NCEH1: variants seen among roughly 807,000 people sequenced by gnomAD.
The protein encoded by NCEH1 is neutral cholesterol ester hydrolase 1, also known as 2-acetyl MAGE hydrolase.
A neutral mutation model predicts 25.4 loss-of-function variants in NCEH1; 9 were observed. The ratio of observed to expected loss-of-function variants is 0.35; its 90% CI spans 0.21 to 0.62. NCEH1 has a LOEUF of 0.62. Ranked by LOEUF, NCEH1 falls within the 20% of genes least tolerant of loss-of-function variation. NCEH1 has a pLI of 0.72. For synonymous variants in NCEH1, 200 were observed against 199.8 expected, an observed-to-expected ratio of 1.00 and a Z score of -0.01; for missense variants, 412 against 501.1, an observed-to-expected ratio of 0.82 and a Z score of 1.70.
intron 2 of NCEH1, 111 bp downstream of exon 2, chr3:172,647,775 G>A (rs144810232): frequency 4.9e-6 from 7 of 1,431,470 alleles, no homozygotes; most frequent in African/African-American, 4.3e-5. Context: ...CCATCCAGGG[G>A]AACCTAGATA....
chr3:172,668,424 G>A (rs1282890735), intron 1 of NCEH1, among the ~76,000 whole-genome samples: 14 of 129,128 alleles, frequency 1.1e-4, no homozygotes, highest in South Asian at 2.5e-4. Flanking sequence ...GCACAATCTC[G>A]GCTCACTACA....
intron 1 of NCEH1, among the ~76,000 whole-genome samples, chr3:172,691,551 GC>G (rs1341259347): frequency 1.7e-4 from 26 of 152,422 alleles, no homozygotes; most frequent in Admixed American, 1.4e-3. Context: ...CCACAGACAA[GC>G]CCCTCCCCTC....
intron 4 of NCEH1, 45 bp from the exon 5 acceptor site, chr3:172,634,137 C>G (rs1361360019): frequency 1.3e-6 from 2 of 1,565,294 alleles, no homozygotes; most frequent in Non-Finnish European, 8.7e-7. Context: ...TGCATGCCTT[C>G]TTTTATAGGA....
At chr3:172,690,308 T>A (rs979621353) in intron 1 of NCEH1, among the ~76,000 whole-genome samples, 1 of 152,214 alleles carries the variant, frequency 6.6e-6, no homozygotes, top group Admixed American at 6.5e-5. Flanking sequence ...CAAAGTGATA[T>A]GCAATAAATA....
chr3:172,684,562 T>A (rs1712594130), intron 1 of NCEH1, among the ~76,000 whole-genome samples: 1 of 152,166 alleles, frequency 6.6e-6, no homozygotes, highest in Non-Finnish European at 1.5e-5. Context: ...TCTGATGAGT[T>A]TAGTTGTGAA....
chr3:172,710,013 G>C (rs1396514395), intron 1 of NCEH1, among the ~76,000 whole-genome samples: 4 of 152,148 alleles, frequency 2.6e-5, no homozygotes, highest in African/African-American at 9.7e-5. Context: ...TCTTACCATG[G>C]AATAAACCAG....
At chr3:172,696,465 G>C (rs1490094917) in intron 1 of NCEH1, among the ~76,000 whole-genome samples, 1 of 152,172 alleles carries the variant, frequency 6.6e-6, no homozygotes, top group Non-Finnish European at 1.5e-5. Context: ...TGCTCCAAGT[G>C]CTTTACATAT....
At chr3:172,644,142 T>TGGGG (rs1560181441) in intron 3 of NCEH1, among the ~76,000 whole-genome samples, 6 of 151,690 alleles carry the variant, frequency 4.0e-5, no homozygotes, top group Non-Finnish European at 5.9e-5. Flanking sequence ...TCTAGGGCTT[T>TGGGG]TGAGTGACTC....
intron 1 of NCEH1, among the ~76,000 whole-genome samples, chr3:172,678,672 C>T (rs1712157217): frequency 6.6e-6 from 1 of 151,526 alleles, no homozygotes; most frequent in South Asian, 2.1e-4. Context: ...TTTTTACCTA[C>T]TCATTCAAAC....
At chr3:172,650,219 T>C (rs1717327907) in intron 1 of NCEH1, among the ~76,000 whole-genome samples, 1 of 152,182 alleles carries the variant, frequency 6.6e-6, no homozygotes. Flanking sequence ...AAGGGACAAT[T>C]TGGCTGAGTG....
intron 1 of NCEH1, among the ~76,000 whole-genome samples, chr3:172,696,690 A>C (rs79226650): frequency 0.011 from 1,663 of 152,264 alleles, 42 homozygotes; most frequent in African/African-American, 0.037. Context: ...ATGCTCGTAA[A>C]CACTATGAAA....
intron 1 of NCEH1, among the ~76,000 whole-genome samples, chr3:172,678,708 G>A (rs1047279304): frequency 1.3e-5 from 2 of 152,052 alleles, no homozygotes; most frequent in African/African-American, 4.8e-5. Flanking sequence ...TAAACTATAT[G>A]TATTAAATAT....
At chr3:172,709,570 A>G (rs962256333) in intron 1 of NCEH1, among the ~76,000 whole-genome samples, 2 of 152,182 alleles carry the variant, frequency 1.3e-5, no homozygotes, top group Non-Finnish European at 2.9e-5. Flanking sequence ...CTAAGAGACA[A>G]AAGGGGCTTT....
At chr3:172,658,082 A>G (rs146815447) in intron 1 of NCEH1, among the ~76,000 whole-genome samples, 1 of 152,336 alleles carries the variant, frequency 6.6e-6, no homozygotes, top group African/African-American at 2.4e-5. Flanking sequence ...AACACAGGTC[A>G]TAGAGACCTT....
At chr3:172,685,270 G>C (rs1712633238) in intron 1 of NCEH1, among the ~76,000 whole-genome samples, 1 of 152,190 alleles carries the variant, frequency 6.6e-6, no homozygotes, top group South Asian at 2.1e-4. Flanking sequence ...CTGGGCAACA[G>C]AGTGAGACTC....
intron 1 of NCEH1, among the ~76,000 whole-genome samples, chr3:172,648,388 T>C (rs1371780264): frequency 6.6e-6 from 1 of 152,212 alleles, no homozygotes; most frequent in Non-Finnish European, 1.5e-5. Flanking sequence ...GGATAAGTGG[T>C]AGTTCTGGGA....
intron 1 of NCEH1, among the ~76,000 whole-genome samples, chr3:172,692,293 A>G (rs971252869): frequency 1.3e-5 from 2 of 152,142 alleles, no homozygotes; most frequent in Non-Finnish European, 2.9e-5. Flanking sequence ...CAAATTATAT[A>G]TTTGGCCACC....
At chr3:172,675,233 G>T (rs536994629) in intron 1 of NCEH1, among the ~76,000 whole-genome samples, 1 of 152,080 alleles carries the variant, frequency 6.6e-6, no homozygotes, top group African/African-American at 2.4e-5. Context: ...AACGTGGGAG[G>T]TGGAGGCTGC....
chr3:172,669,999 G>C (rs1260723714), intron 1 of NCEH1, among the ~76,000 whole-genome samples: 1 of 152,138 alleles, frequency 6.6e-6, no homozygotes, highest in African/African-American at 2.4e-5. Context: ...AATAAGAAAA[G>C]TGAATTACTA....
Sources: allele counts gnomAD v4.1 joint callset (sites outside exome capture counted in the v4.1 genomes callset), GRCh38; gene constraint gnomAD v4.1.1; transcripts MANE v1.5; gene names NCBI Gene and HGNC (gene_info 2026-07-23, HGNC 2026-07-21).